Variants in DGKG observed in about 807,000 individuals in gnomAD.
The protein encoded by DGKG is diacylglycerol kinase gamma, also known as DAG kinase gamma.
In DGKG, 78 loss-of-function variants were observed where a neutral mutation model predicts 105.3. That is an observed-to-expected ratio of 0.74 (90% CI 0.62 to 0.89). The LOEUF is 0.89. Among genes scored for constraint, DGKG ranks in the 40% least tolerant of loss-of-function variants. The probability of loss-of-function intolerance (pLI) is 0.00; values close to 1 mark genes in which losing one functional copy is unlikely to be tolerated. For synonymous variants in DGKG, 346 were observed against 367.1 expected (o/e 0.94, Z 0.66); for missense variants, 958 against 1,020.1 (o/e 0.94, Z 0.83).
Position 186,361,849 on chromosome 3 carries a change from G to C in DGKG, c.-249+97C>G, listed in dbSNP as rs1227578237. 2 of 152,460 alleles carry C rather than the reference G, an allele frequency of 1.3e-5. No individual in the cohort carries two copies. Among genetic ancestry groups the C allele is most frequent in the African/African-American group, 4.8e-5 (2 of 41,462 alleles). The allele number at this position is 152,460 out of a possible 1,614,324, so 9.4% of individuals were successfully genotyped here. On this transcript the variant is annotated intron_variant, in intron 1 of 24. Transcript: ENST00000265022. The surrounding 1 kb of genome is among the most constrained non-coding windows in gnomAD (Gnocchi z 6.8). ...TTTGGCTGCAGCCCCTTCCCTGGCC[G>C]CGGGACCGGCTCCCGCTTTGCCCTC...
intron 17 of DGKG, among the ~76,000 whole-genome samples, chr3:186,255,160 C>A (rs750133981): frequency 5.3e-5 from 8 of 152,192 alleles, no homozygotes; most frequent in Non-Finnish European, 8.8e-5. Context: ...TGTATTGTAA[C>A]CTCCCCGAGG....
At chr3:186,273,367 C>CCTTTTTTTTTTTTTTTT (rs1553811123) in intron 10 of DGKG, among the ~76,000 whole-genome samples, 1 of 85,598 alleles carries the variant, frequency 1.2e-5, no homozygotes. Flanking sequence ...TGTTGTACCC[C>CCTTTTTTTTTTTTTTTT]TTTTTTTTTT....
At position 186,297,068 on chromosome 3, in the gene DGKG, T is replaced by TCTCACACACACACA. The variant is rs1452573661; in HGVS notation, c.373+352_373+353insTGTGTGTGTGTGAG. ...CTCTCTGTCTGTCTGTCTGTCTCTC[T>TCTCACACACACACA]CACACACACACACACACACACACAC... On this transcript the variant is annotated intron_variant, in intron 5 of 24. Coordinates refer to ENST00000265022, the MANE Select transcript of DGKG (RefSeq NM_001346.3). Among the ~76,000 whole-genome samples the TCTCACACACACACA allele has an allele frequency of 8.5e-3, 1,110 of 130,492 alleles. 16 individuals are homozygous for TCTCACACACACACA. The highest frequency in any genetic ancestry group is 0.024 in the African/African-American group (840 of 34,678). The allele number at this position is 130,492 out of a possible 152,430, so 85.6% of individuals were successfully genotyped here. A position where few individuals can be genotyped will look rare whatever the true frequency, so the allele number is the denominator to read the frequency against.
intron 2 of DGKG, among the ~76,000 whole-genome samples, chr3:186,310,466 G>C (rs548093300): frequency 8.0e-4 from 122 of 152,082 alleles, no homozygotes; most frequent in Admixed American, 9.8e-4. Flanking sequence ...CTTTCTCCTT[G>C]GATGTCCTTA....
At position 186,231,264 on chromosome 3, in the gene DGKG, G is replaced by A. The variant is rs1211911618; in HGVS notation, c.1826+11240C>T. 6.6e-6 allele frequency among the ~76,000 whole-genome samples: 1 copy of A among 151,976 alleles called. No homozygotes were observed. The highest frequency in any genetic ancestry group is 2.4e-5 in the African/African-American group (1 of 41,338). ...TGGCTCTTTTCTAGTCTTTTTTTGG[G>A]TGCATCTTTGGTCATGGGGCACAAA... is the stretch of plus-strand genomic sequence containing the variant. On this transcript the variant is annotated intron_variant, in intron 20 of 24. Transcript: ENST00000265022. The surrounding 1 kb of genome is among the most constrained non-coding windows in gnomAD (Gnocchi z 4.5).
chr3:186,306,711 A>T, intron 3 of DGKG, 190 bp downstream of exon 3: 1 of 577,442 alleles, frequency 1.7e-6, no homozygotes, highest in Non-Finnish European at 3.1e-6. Flanking sequence ...CTTCTAGGAC[A>T]GTGGAATGAG....
intron 1 of DGKG, among the ~76,000 whole-genome samples, chr3:186,337,950 G>A (rs768445683): frequency 6.6e-6 from 1 of 152,188 alleles, no homozygotes; most frequent in South Asian, 2.1e-4. Flanking sequence ...TGAGCAGATT[G>A]CCTGAGCCCA....
At chr3:186,346,917 T>C (rs1027138983) in intron 1 of DGKG, among the ~76,000 whole-genome samples, 4 of 152,204 alleles carry the variant, frequency 2.6e-5, no homozygotes, top group African/African-American at 9.7e-5. Context: ...GACAGATGTA[T>C]GTTAGATTTT....
chr3:186,351,245 G>T (rs1726616834), intron 1 of DGKG, among the ~76,000 whole-genome samples: 1 of 152,100 alleles, frequency 6.6e-6, no homozygotes, highest in Admixed American at 6.5e-5. Flanking sequence ...TTTGCTAGTT[G>T]TCAGTACTAT....
At chr3:186,194,341 C>A (rs1036552003) in intron 21 of DGKG, among the ~76,000 whole-genome samples, 1 of 152,258 alleles carries the variant, frequency 6.6e-6, no homozygotes, top group African/African-American at 2.4e-5. Flanking sequence ...TCTCCGCCCT[C>A]GCCAAGAGGG....
intron 21 of DGKG, among the ~76,000 whole-genome samples, chr3:186,199,981 C>T (rs1314584032): frequency 6.6e-6 from 1 of 152,174 alleles, no homozygotes; most frequent in African/African-American, 2.4e-5. Context: ...AGAGTGCATG[C>T]TCCCGATGCC....
rs564849418 is a variant in DGKG at position 186,203,503 on chromosome 3, A to G, written c.1917+8292T>C. ...CCACATATTAGGAGTAGCGGAAAGAAACCGATTAGGAGGAAGCAGAAAGAA... is the reference window on the plus strand; with the variant it reads ...CCACATATTAGGAGTAGCGGAAAGAGACCGATTAGGAGGAAGCAGAAAGAA... On this transcript the variant is annotated intron_variant, in intron 21 of 24. Transcript: ENST00000265022. This position sits in a 1 kb window ranked among gnomAD's most constrained non-coding sequence, Gnocchi z 4.9. Among the ~76,000 whole-genome samples, 2 of 152,290 alleles carry G rather than the reference A, an allele frequency of 1.3e-5. No individual in the cohort carries two copies. Among genetic ancestry groups the G allele is most frequent in the African/African-American group, 4.8e-5 (2 of 41,578 alleles).
chr3:186,355,202 A>G (rs1726857948), intron 1 of DGKG, among the ~76,000 whole-genome samples: 1 of 151,880 alleles, frequency 6.6e-6, no homozygotes, highest in Non-Finnish European at 1.5e-5. Flanking sequence ...CAATACCACC[A>G]CCAACACCAC....
chr3:186,250,346 G>C (rs1175881833), intron 19 of DGKG, among the ~76,000 whole-genome samples: 2 of 152,030 alleles, frequency 1.3e-5, no homozygotes, highest in African/African-American at 4.8e-5. Context: ...GGGGGAGGGA[G>C]AGCATCAGGA....
At chr3:186,225,462 C>T (rs943862347) in intron 20 of DGKG, among the ~76,000 whole-genome samples, 3 of 152,166 alleles carry the variant, frequency 2.0e-5, no homozygotes, top group Non-Finnish European at 4.4e-5. Context: ...TGGACATCAA[C>T]GTGACAAGTT....
intron 4 of DGKG, 138 bp from the exon 5 acceptor site, chr3:186,297,621 G>C (rs560469983): frequency 1.5e-6 from 1 of 670,278 alleles, no homozygotes; most frequent in Non-Finnish European, 2.6e-6. Context: ...CTGGGTTCAT[G>C]CTCGCTTATT....
intron 19 of DGKG, among the ~76,000 whole-genome samples, chr3:186,244,405 ATG>A (rs1488668599): frequency 2.1e-5 from 3 of 139,930 alleles, no homozygotes; most frequent in African/African-American, 8.2e-5. Flanking sequence ...TTAGCTATTG[ATG>A]TTTTTTTTTT....
chr3:186,184,364 G>A (rs1464161288), intron 22 of DGKG, among the ~76,000 whole-genome samples: 3 of 152,116 alleles, frequency 2.0e-5, no homozygotes, highest in African/African-American at 7.2e-5. Context: ...ATCAGCCAAT[G>A]TTTCTATAGA....
chr3:186,269,290 C>A (rs1241136370), intron 11 of DGKG, among the ~76,000 whole-genome samples: 1 of 152,244 alleles, frequency 6.6e-6, no homozygotes, highest in Non-Finnish European at 1.5e-5. Context: ...TGCAGAGGAA[C>A]TCTGGAGGGC....
Sources: gnomAD v4.1 joint callset for allele counts (sites outside exome capture counted in the v4.1 genomes callset) on GRCh38, gnomAD v4.1.1 for gene constraint, Gnocchi (gnomAD v3.1) non-coding constraint, MANE v1.5 for transcripts, NCBI Gene and HGNC (gene_info 2026-07-23, HGNC 2026-07-21) for gene names.